DNAH2: variants seen among roughly 807,000 people sequenced by gnomAD.
The protein encoded by DNAH2 is axonemal beta dynein heavy chain 2.
DNAH2 carries 323 observed loss-of-function variants against 523.5 expected under a neutral mutation model. The observed-to-expected ratio is 0.62, with a 90% CI of 0.56 to 0.68. The LOEUF is 0.68. DNAH2 is among the 30% of genes least tolerant of loss of function. DNAH2 has a pLI of 0.00. For missense variants in DNAH2, 4,907 were observed against 5,701.5 expected (o/e 0.86, Z 4.49); for synonymous variants, 2,093 against 2,177.4 (o/e 0.96, Z 1.08).
At chr17:7,735,565 A>AT (rs2075117731) in intron 7 of DNAH2, among the ~76,000 whole-genome samples, 1 of 151,618 alleles carries the variant, frequency 6.6e-6, no homozygotes, top group African/African-American at 2.4e-5. Flanking sequence ...CAGCCTCCTG[A>AT]GTAGCTGGGA....
rs1455837412 is a variant in DNAH2 at position 7,793,175 on chromosome 17, C to T, written c.7539C>T (p.Asp2513=). 2.5e-6 allele frequency: 4 copies of T among 1,614,084 alleles called. No homozygotes were observed. The highest frequency in any genetic ancestry group is 3.4e-6 in the Non-Finnish European group (4 of 1,180,032). ...RLWIDYGFWY[D]RTKQTIKYIR... ...GGATTGACTATGGCTTCTGGTATGA[C>T]CGTACGAAGCAGACCATCAAGTACA... Residue 2513 remains aspartate, a synonymous_variant, in exon 48 of 86, where the codon GAC becomes GAT. Transcript: ENST00000572933.
chr17:7,729,431 GT>G (rs1383287864), intron 4 of DNAH2, among the ~76,000 whole-genome samples: 2 of 151,682 alleles, frequency 1.3e-5, no homozygotes, highest in Non-Finnish European at 2.9e-5. Flanking sequence ...GCCTAGGTTT[GT>G]TTGTTTGTTT....
intron 48 of DNAH2, among the ~76,000 whole-genome samples, chr17:7,793,433 T>TTTTC (rs146410752): frequency 0.23 from 23,259 of 102,042 alleles, 4,756 homozygotes; most frequent in South Asian, 0.28. Flanking sequence ...CCTGCTTGCT[T>TTTTC]TTTCTTTCTT....
chr17:7,738,392 C>T (rs973455730), intron 8 of DNAH2, among the ~76,000 whole-genome samples: 1 of 152,172 alleles, frequency 6.6e-6, no homozygotes, highest in East Asian at 1.9e-4. Context: ...TGCAGTGGCG[C>T]GATCTCAGCT....
At chr17:7,804,497 C>T (rs756234355) in intron 59 of DNAH2, 31 bp downstream of exon 59, 1 of 1,607,648 alleles carries the variant, frequency 6.2e-7, no homozygotes, top group South Asian at 1.1e-5. Context: ...CCCCGTGCCC[C>T]ACTCCCACCA....
Position 7,792,330 on chromosome 17 carries a change from C to T in DNAH2, c.7132C>T (p.Arg2378Cys), listed in dbSNP as rs778820987. 1.4e-5 allele frequency: 23 copies of T among 1,613,976 alleles called. No individual in the cohort carries two copies. The highest frequency in any genetic ancestry group is 1.7e-4 in the Middle Eastern group (1 of 6,060). ...TGAGGACAAGCTCCCTAAGAGTTGG[C>T]GCTACCCTCCAAAGTAAGAGCTGGG... ...SFEDKLPKSW[R>C]YPPNAPFYKI... The change falls in exon 46 of 86, where the codon CGC (arginine) becomes TGC (cysteine). Residue 2378 changes from arginine (R) to cysteine (C), a missense_variant. Physicochemically the swap from Arg to Cys is radical, Grantham distance 180. Around this residue, in one of 3 missense-constraint regions of DNAH2, gnomAD observed 2,806 missense variants for 3,190.8 expected, o/e 0.88. Coordinates refer to ENST00000572933, the MANE Select transcript of DNAH2 (RefSeq NM_020877.5).
chr17:7,787,860 G>A lies in DNAH2; in HGVS notation c.6604G>A (p.Val2202Met). The A allele has an allele frequency of 3.1e-6, 5 of 1,612,826 alleles. No individual in the cohort carries two copies. Among genetic ancestry groups the A allele is most frequent in the South Asian group, 1.1e-5 (1 of 90,968 alleles). ...AGTTCTGACAAACGTATATCCTTAGGTGTCTCTCCTGTTTGAAGTGGAGGA... is the reference window on the plus strand; with the variant it reads ...AGTTCTGACAAACGTATATCCTTAGATGTCTCTCCTGTTTGAAGTGGAGGA... ...NGERIAMPEQ[V>M]SLLFEVEDLA... is the part of the protein sequence containing the mutation. The change falls in exon 43 of 86, where the codon GTG becomes ATG. Residue 2202 changes from valine (V) to methionine (M), a missense_variant and splice_region_variant. Coordinates refer to ENST00000572933, the MANE Select transcript of DNAH2 (RefSeq NM_020877.5).
chr17:7,782,656 AACTT>A (rs779260988), intron 39 of DNAH2, among the ~76,000 whole-genome samples: 4 of 152,128 alleles, frequency 2.6e-5, no homozygotes, highest in Non-Finnish European at 5.9e-5. Context: ...GATCCATGAA[AACTT>A]ACTTCAGATA....
chr17:7,817,467 C>A (rs1179761355), intron 65 of DNAH2, 52 bp downstream of exon 65: 1 of 1,613,214 alleles, frequency 6.2e-7, no homozygotes, highest in East Asian at 2.2e-5. Context: ...GGGCTGGGGG[C>A]AGGACCTTTG....
intron 77 of DNAH2, among the ~76,000 whole-genome samples, chr17:7,825,352 T>C (rs2077989537): frequency 6.6e-6 from 1 of 152,232 alleles, no homozygotes; most frequent in African/African-American, 2.4e-5. Flanking sequence ...ATCAAAATCC[T>C]TTTTGCTCAC....
intron 49 of DNAH2, among the ~76,000 whole-genome samples, chr17:7,795,256 G>C (rs1307636473): frequency 6.6e-6 from 1 of 152,104 alleles, no homozygotes; most frequent in African/African-American, 2.4e-5. Context: ...AAAATCAGTA[G>C]AGTACAGTGC....
chr17:7,793,431 C>T (rs2076954328), intron 48 of DNAH2, among the ~76,000 whole-genome samples: 1 of 80,158 alleles, frequency 1.2e-5, no homozygotes, highest in African/African-American at 3.5e-5. Context: ...TGCCTGCTTG[C>T]TTTTTCTTTC....
intron 15 of DNAH2, 112 bp downstream of exon 15, chr17:7,759,236 C>T: frequency 6.7e-7 from 1 of 1,496,632 alleles, no homozygotes; most frequent in Non-Finnish European, 9.0e-7. Flanking sequence ...GTGTGTACTT[C>T]TCAAACATCG....
intron 4 of DNAH2, among the ~76,000 whole-genome samples, chr17:7,728,640 T>G (rs1405009032): frequency 6.6e-6 from 1 of 152,122 alleles, no homozygotes; most frequent in Non-Finnish European, 1.5e-5. Context: ...TTTGAAGAAA[T>G]GAGGAGCCAC....
rs2077966475 is a variant in DNAH2, at chr17:7,824,547, G to A, written c.11673G>A (p.Val3891=). The A allele has an allele frequency of 6.4e-7, 1 of 1,563,610 alleles. No individual in the cohort carries two copies. Among genetic ancestry groups the A allele is most frequent in the South Asian group, 1.2e-5 (1 of 86,156 alleles). Reference sequence around the variant, plus strand: ...GGCATCTCCTTGCAGGACACTGGGTGTTCCTGGCAAACTGCCACCTGTCAC... The same window carrying A: ...GGCATCTCCTTGCAGGACACTGGGTATTCCTGGCAAACTGCCACCTGTCAC... ...LREGVTQGHW[V]FLANCHLSLS... is the part of the protein sequence containing the mutation. The change falls in exon 77 of 86, where the codon GTG becomes GTA. Residue 3891 remains valine, a synonymous_variant. Coordinates refer to ENST00000572933, the MANE Select transcript of DNAH2 (RefSeq NM_020877.5).
At chr17:7,793,451 CTTTCTTTCTTTCTT>C (rs2076960116) in intron 48 of DNAH2, among the ~76,000 whole-genome samples, 16 of 54,116 alleles carry the variant, frequency 3.0e-4, no homozygotes, top group African/African-American at 6.8e-4. Context: ...CTTTCTTTTT[CTTTCTTTCTTTCTT>C]TCTTTCTTTC....
At position 7,821,126 on chromosome 17, in the gene DNAH2, T is replaced by G; in HGVS notation, c.11016-117T>G. 7.1e-7 allele frequency: 1 copy of G among 1,415,304 alleles called. No homozygotes were observed. Among genetic ancestry groups the G allele is most frequent in the Non-Finnish European group, 9.5e-7 (1 of 1,056,866 alleles). The allele number at this position is 1,415,304 out of a possible 1,614,324, so 87.7% of individuals were successfully genotyped here. ...TCAGCTGTTTCCAGGAGGTTAGGAT[T>G]AGAGGCTGGTGAGGTCCTCTGTGTG... On this transcript the variant is annotated intron_variant, in intron 72 of 85. Transcript: ENST00000572933. This position sits in a 1 kb window ranked among gnomAD's most constrained non-coding sequence, Gnocchi z 5.0.
At position 7,780,945 on chromosome 17, in the gene DNAH2, G is replaced by A; in HGVS notation, c.6004-97G>A. 1.9e-6 allele frequency: 3 copies of A among 1,592,188 alleles called. No homozygotes were observed. Among genetic ancestry groups the A allele is most frequent in the Admixed American group, 1.7e-5 (1 of 59,710 alleles). ...GCTGCTTTGCTAATGGCTAACTGGTGTATCCATTGTTCTTGGCACGTGCCC... is the reference window on the plus strand; with the variant it reads ...GCTGCTTTGCTAATGGCTAACTGGTATATCCATTGTTCTTGGCACGTGCCC... On this transcript the variant is annotated intron_variant, in intron 38 of 85. Coordinates refer to ENST00000572933, the MANE Select transcript of DNAH2 (RefSeq NM_020877.5). This position sits in a 1 kb window ranked among gnomAD's most constrained non-coding sequence, Gnocchi z 4.4.
At chr17:7,723,557 C>A (rs1285529772) in intron 2 of DNAH2, 71 bp from the exon 3 acceptor site, 31 of 1,336,832 alleles carry the variant, frequency 2.3e-5, no homozygotes, top group Middle Eastern at 3.7e-4. Context: ...CAGGTGTGAG[C>A]CACCGCGCCC....
Sources: gnomAD v4.1 joint callset for allele counts (sites outside exome capture counted in the v4.1 genomes callset) on GRCh38, gnomAD v4.1.1 for gene constraint, gnomAD v4.1.1 regional missense constraint, Gnocchi (gnomAD v3.1) non-coding constraint, MANE v1.5 for transcripts, NCBI Gene and HGNC (gene_info 2026-07-23, HGNC 2026-07-21) for gene names.